AIFM2: variants seen among roughly 807,000 people sequenced by gnomAD.
AIFM2 encodes ferroptosis suppressor protein 1.
Under a neutral mutation model 35.7 loss-of-function variants are expected in AIFM2, and 38 were observed. That is an observed-to-expected ratio of 1.06 (90% confidence interval 0.82 to 1.39). AIFM2 has a LOEUF of 1.39. AIFM2 is among the 40% of genes most tolerant of loss of function. AIFM2 has a pLI of 0.00. For missense variants in AIFM2, 476 were observed against 491.2 expected (o/e 0.97, Z 0.29); for synonymous variants, 185 against 203.5 (o/e 0.91, Z 0.77).
At chr10:70,126,367 C>G (rs73273543) in intron 1 of AIFM2, among the ~76,000 whole-genome samples, 8,386 of 152,252 alleles carry the variant, frequency 0.055, 706 homozygotes, top group African/African-American at 0.18. Context: ...GGGACTGGAG[C>G]GGGTGTCAGC....
chr10:70,121,944 T>G (rs957432334), intron 3 of AIFM2, among the ~76,000 whole-genome samples: 1 of 151,484 alleles, frequency 6.6e-6, no homozygotes, highest in Non-Finnish European at 1.5e-5. Context: ...ATACAAAAAT[T>G]AGCTGGGCGT....
In AIFM2 at chr10:70,121,171, G is replaced by T; in HGVS notation, c.335C>A (p.Thr112Asn). ...FSHLILATGS[T>N]GPFPGKFNEV... is the part of the protein sequence containing the mutation. The stretch of plus-strand genomic sequence containing the variant: ...ATTAAACTTGCCCGGGAAGGGCCCA[G>T]TGCTGCCCGTGGCCAGGATAAGATG... The change falls in exon 4 of 9, where the codon ACT becomes AAT. Residue 112 changes from threonine to asparagine, a missense_variant. By Grantham distance (65) the Thr-to-Asn change is moderately conservative (BLOSUM62 0). Transcript: ENST00000307864. 1 of 1,511,704 alleles carries T rather than the reference G, an allele frequency of 6.6e-7. No individual in the cohort carries two copies. Among genetic ancestry groups the T allele is most frequent in the African/African-American group, 1.5e-5 (1 of 67,740 alleles). 93.6% of individuals were successfully genotyped at this position (1,511,704 alleles called of 1,614,324 possible). A position where few individuals can be genotyped will look rare whatever the true frequency, so the allele number is the denominator to read the frequency against.
At chr10:70,119,003 G>A (rs1269697955) in intron 5 of AIFM2, among the ~76,000 whole-genome samples, 1 of 152,152 alleles carries the variant, frequency 6.6e-6, no homozygotes, top group Non-Finnish European at 1.5e-5. Flanking sequence ...GGGGGCTGGA[G>A]ATTGAGGTCA....
rs2072455450 is a variant in AIFM2 at position 70,117,872 on chromosome 10, G to A, written c.556C>T (p.Pro186Ser). 4.4e-6 allele frequency: 7 copies of A among 1,606,710 alleles called. 1 individual carries two copies. Among genetic ancestry groups the A allele is most frequent in the East Asian group, 2.3e-5 (1 of 44,072 alleles). Reference sequence around the variant, plus strand: ...TCCTTCACTTCCTGCCGGACGGAGGGCAGGAGCTCCTTGTCAGCCAGGGCC... The same window carrying A: ...TCCTTCACTTCCTGCCGGACGGAGGACAGGAGCTCCTTGTCAGCCAGGGCC... ...QVALADKELL[P>S]SVRQEVKEIL... Residue 186 changes from proline (P) to serine (S), a missense_variant, in exon 6 of 9, where the codon CCC (proline) becomes TCC (serine). Pro to Ser is a moderately conservative substitution (Grantham distance 74, BLOSUM62 -1). Coordinates refer to ENST00000307864, the MANE Select transcript of AIFM2 (RefSeq NM_032797.6). The surrounding 1 kb of genome is among the most constrained non-coding windows in gnomAD (Gnocchi z 4.7).
intron 1 of AIFM2, among the ~76,000 whole-genome samples, chr10:70,127,628 G>T (rs1459874369): frequency 6.6e-6 from 1 of 152,188 alleles, no homozygotes. Context: ...GGGAAAGAAA[G>T]TCTAGTGACC....
chr10:70,113,638 T>A lies in AIFM2; in HGVS notation c.*540A>T, dbSNP rs1436483416. The A allele has an allele frequency of 1.3e-5, 2 of 152,474 alleles. No homozygotes were observed. Among genetic ancestry groups the A allele is most frequent in the Non-Finnish European group, 2.9e-5 (2 of 68,264 alleles). The allele number at this position is 152,474 out of a possible 1,614,324, so 9.4% of individuals were successfully genotyped here. On this transcript the variant is annotated 3_prime_UTR_variant, in exon 9 of 9. Transcript: ENST00000307864. ...AATTGAAAACAAGGCTCCTGTGAAG[T>A]CCCTGGTTGTTGCAGAATGTATGGG...
Position 70,121,213 on chromosome 10 carries a change from T to C in AIFM2, c.295-2A>G. Reference sequence around the variant, plus strand: ...GATAAGATGAGAGAAGGGCAGGGCCTGAGAGAAACCAAAAAAAAAAAAAAA... The same window carrying C: ...GATAAGATGAGAGAAGGGCAGGGCCCGAGAGAAACCAAAAAAAAAAAAAAA... On this transcript the variant is annotated splice_acceptor_variant, in intron 3 of 8. Coordinates refer to ENST00000307864, the MANE Select transcript of AIFM2 (RefSeq NM_032797.6). LOFTEE classifies it high-confidence loss of function. 1 of 418,570 alleles carries C rather than the reference T, an allele frequency of 2.4e-6. No individual in the cohort carries two copies. Among genetic ancestry groups the C allele is most frequent in the Non-Finnish European group, 4.2e-6 (1 of 237,420 alleles). 25.9% of individuals were successfully genotyped at this position (418,570 alleles called of 1,614,324 possible).
rs199759147 is a variant in AIFM2 at position 70,123,346 on chromosome 10, C to T, written c.294+59G>A. 6,447 of 1,467,964 alleles carry T rather than the reference C, an allele frequency of 4.4e-3. 27 individuals are homozygous for T. Among genetic ancestry groups the T allele is most frequent in the Non-Finnish European group, 5.4e-3 (5,668 of 1,055,762 alleles). 90.9% of individuals were successfully genotyped at this position (1,467,964 alleles called of 1,614,324 possible). On this transcript the variant is annotated intron_variant, in intron 3 of 8. Coordinates refer to ENST00000307864, the MANE Select transcript of AIFM2 (RefSeq NM_032797.6). The stretch of plus-strand genomic sequence containing the variant: ...GCTCTCTCTTGACCCTGGAGGATCC[C>T]GCCCAGGCCCTGCAGAGGGCCCTTG...
chr10:70,124,677 G>A (rs374291827), intron 1 of AIFM2, among the ~76,000 whole-genome samples: 1 of 152,144 alleles, frequency 6.6e-6, no homozygotes, highest in East Asian at 1.9e-4. Flanking sequence ...TGAGAAGCTG[G>A]GAAAAGGTGC....
In AIFM2 at chr10:70,117,985, C is replaced by T. The variant is rs1003772967; in HGVS notation, c.508-65G>A. 37 of 1,161,446 alleles carry T rather than the reference C, an allele frequency of 3.2e-5. No individual in the cohort carries two copies. The highest frequency in any genetic ancestry group is 1.2e-4 in the African/African-American group (8 of 64,762). 71.9% of individuals were successfully genotyped at this position (1,161,446 alleles called of 1,614,324 possible). A position where few individuals can be genotyped will look rare whatever the true frequency, so the allele number is the denominator to read the frequency against. On this transcript the variant is annotated intron_variant, in intron 5 of 8. Coordinates refer to ENST00000307864, the MANE Select transcript of AIFM2 (RefSeq NM_032797.6). This position sits in a 1 kb window ranked among gnomAD's most constrained non-coding sequence, Gnocchi z 4.7. ...CAAGTCTTCAAACACAATCATTGCA[C>T]GAACGTCCACCTCCACTCATACCTC...
intron 3 of AIFM2, among the ~76,000 whole-genome samples, chr10:70,122,093 A>T (rs1384036286): frequency 6.6e-6 from 1 of 152,170 alleles, no homozygotes; most frequent in Non-Finnish European, 1.5e-5. Context: ...ACTCCATCTC[A>T]AAAACAATTA....
chr10:70,114,837 A>G, intron 8 of AIFM2, 83 bp downstream of exon 8: 2 of 1,451,086 alleles, frequency 1.4e-6, no homozygotes, highest in Non-Finnish European at 1.9e-6. Flanking sequence ...TCTAGTGGCC[A>G]GGTATGGGAT....
chr10:70,127,855 G>A (rs2072585808), intron 1 of AIFM2, among the ~76,000 whole-genome samples: 1 of 152,164 alleles, frequency 6.6e-6, no homozygotes, highest in South Asian at 2.1e-4. Context: ...TTCCTCTTCA[G>A]GCTGCCTGAG....
rs920491408 is a variant in AIFM2, at chr10:70,112,347, G to A, written c.*1831C>T. 1 of 152,220 alleles carries A rather than the reference G, an allele frequency of 6.6e-6. No individual in the cohort carries two copies. Among genetic ancestry groups the A allele is most frequent in the African/African-American group, 2.4e-5 (1 of 41,444 alleles). 9.4% of individuals were successfully genotyped at this position (152,220 alleles called of 1,614,324 possible). ...GTGTCCCCACACGTAGGTCCTTCTAGAATATTGTAAGTCAATAGAAGAAGG... is the reference window on the plus strand; with the variant it reads ...GTGTCCCCACACGTAGGTCCTTCTAAAATATTGTAAGTCAATAGAAGAAGG... On this transcript the variant is annotated 3_prime_UTR_variant, in exon 9 of 9. Transcript: ENST00000307864.
At chr10:70,120,431 A>G in intron 5 of AIFM2, 76 bp downstream of exon 5, 2 of 1,469,662 alleles carry the variant, frequency 1.4e-6, no homozygotes, top group Non-Finnish European at 9.5e-7. Flanking sequence ...TGCCCTGAGC[A>G]AATTCCTGAT....
At chr10:70,132,445 A>G (rs1402609762) in intron 1 of AIFM2, among the ~76,000 whole-genome samples, 1 of 152,134 alleles carries the variant, frequency 6.6e-6, no homozygotes, top group Non-Finnish European at 1.5e-5. Flanking sequence ...GCCTAAGCCC[A>G]TCTTCCTTAG....
At chr10:70,132,679 G>C (rs2072639645) in intron 1 of AIFM2, 55 bp downstream of exon 1, 1 of 152,178 alleles carries the variant, frequency 6.6e-6, no homozygotes, top group Admixed American at 6.5e-5. Flanking sequence ...TCCGGGTCCC[G>C]GTCCCGCCCG....
intron 3 of AIFM2, among the ~76,000 whole-genome samples, chr10:70,121,671 C>G (rs951189921): frequency 6.7e-6 from 1 of 148,216 alleles, no homozygotes; most frequent in African/African-American, 2.6e-5. Context: ...TGAACAGCCA[C>G]TGCACTGAGC....
In AIFM2 at chr10:70,112,662, G is replaced by T. The variant is rs1302187587; in HGVS notation, c.*1516C>A. 2 of 152,346 alleles carry T rather than the reference G, an allele frequency of 1.3e-5. No individual in the cohort carries two copies. The highest frequency in any genetic ancestry group is 2.4e-5 in the African/African-American group (1 of 41,470). The allele number at this position is 152,346 out of a possible 1,614,324, so 9.4% of individuals were successfully genotyped here. On this transcript the variant is annotated 3_prime_UTR_variant, in exon 9 of 9. Transcript: ENST00000307864. ...GAGTACCCAGAGGCCACCATCAAAAGGGAGCAGGGAGGGGCAGGGTGGGGA... is the reference window on the plus strand; with the variant it reads ...GAGTACCCAGAGGCCACCATCAAAATGGAGCAGGGAGGGGCAGGGTGGGGA...
Sources: allele counts gnomAD v4.1 joint callset (sites outside exome capture counted in the v4.1 genomes callset), GRCh38; gene constraint gnomAD v4.1.1; non-coding constraint Gnocchi (gnomAD v3.1); transcripts MANE v1.5; gene names NCBI Gene and HGNC (gene_info 2026-07-23, HGNC 2026-07-21).